Variants in CERS6 observed in about 807,000 individuals in gnomAD.
The protein encoded by CERS6 is ceramide synthase 6, also known as LAG1 homolog, ceramide synthase 6.
In CERS6, 26 loss-of-function variants were observed where a neutral mutation model predicts 56.8. The observed-to-expected ratio is 0.46, with a 90% CI of 0.34 to 0.63. The LOEUF is 0.63. CERS6 is among the 30% of genes least tolerant of loss of function. CERS6 has a pLI of 0.01. For missense variants in CERS6, 415 were observed against 467.5 expected, an observed-to-expected ratio of 0.89 and a Z score of 1.04; for synonymous variants, 164 against 173.3, an observed-to-expected ratio of 0.95 and a Z score of 0.42.
At chr2:168,465,164 A>T (rs1300350344) in intron 1 of CERS6, among the ~76,000 whole-genome samples, 1 of 152,228 alleles carries the variant, frequency 6.6e-6, no homozygotes, top group Non-Finnish European at 1.5e-5. Flanking sequence ...AAAATGTGGC[A>T]TATACATATG....
chr2:168,598,335 G>A (rs1013654650), intron 3 of CERS6, among the ~76,000 whole-genome samples: 2 of 152,048 alleles, frequency 1.3e-5, no homozygotes, highest in Non-Finnish European at 2.9e-5. Context: ...CTCGTTTTTG[G>A]GGGGAAGAGA....
At chr2:168,698,858 T>C (rs1686733961) in intron 6 of CERS6, among the ~76,000 whole-genome samples, 1 of 152,140 alleles carries the variant, frequency 6.6e-6, no homozygotes, top group Non-Finnish European at 1.5e-5. Flanking sequence ...TGTTTAGAAA[T>C]CGATTGTATA....
rs536714672 is a variant in CERS6 at position 168,457,042 on chromosome 2, G to A, written c.170+424G>A. On this transcript the variant is annotated intron_variant, in intron 1 of 9. Coordinates refer to ENST00000305747, the MANE Select transcript of CERS6 (RefSeq NM_203463.3). ...CCCGCGCCACCCACCTGACAGCCAG[G>A]AACGTTCCGGACGCGCGGCCCGGAG... is the stretch of plus-strand genomic sequence containing the variant. Among the ~76,000 whole-genome samples, 204 of 152,342 alleles carry A rather than the reference G, an allele frequency of 1.3e-3. 1 individual carries two copies. The highest frequency in any genetic ancestry group is 4.7e-3 in the African/African-American group (195 of 41,584).
chr2:168,488,226 G>A (rs1274575302), intron 1 of CERS6, among the ~76,000 whole-genome samples: 1 of 152,106 alleles, frequency 6.6e-6, no homozygotes, highest in Admixed American at 6.6e-5. Flanking sequence ...TTTATAAATT[G>A]TTGATGAACA....
chr2:168,540,097 C>G (rs1202053522), intron 1 of CERS6, among the ~76,000 whole-genome samples: 5 of 151,634 alleles, frequency 3.3e-5, no homozygotes, highest in Non-Finnish European at 7.4e-5. Context: ...CCTTAGTTTC[C>G]TTTTCACTTT....
At chr2:168,649,365 T>TA (rs1021679517) in intron 4 of CERS6, among the ~76,000 whole-genome samples, 1 of 152,138 alleles carries the variant, frequency 6.6e-6, no homozygotes, top group African/African-American at 2.4e-5. Context: ...CCTCTCCTGG[T>TA]AAAAATACTC....
intron 4 of CERS6, among the ~76,000 whole-genome samples, chr2:168,632,145 A>G (rs1012536885): frequency 3.9e-5 from 6 of 151,916 alleles, no homozygotes; most frequent in Admixed American, 1.3e-4. Context: ...AAACCCTGTG[A>G]AGGCCTATCT....
At chr2:168,689,380 T>TC (rs1376814314) in intron 4 of CERS6, among the ~76,000 whole-genome samples, 2 of 152,182 alleles carry the variant, frequency 1.3e-5, no homozygotes, top group African/African-American at 4.8e-5. Context: ...AGTAAATTGA[T>TC]CTGTATCATG....
intron 1 of CERS6, among the ~76,000 whole-genome samples, chr2:168,476,402 A>G (rs1426958011): frequency 6.6e-6 from 1 of 152,200 alleles, no homozygotes; most frequent in Non-Finnish European, 1.5e-5. Flanking sequence ...AATATTTTCT[A>G]TGCATGTTCA....
chr2:168,768,904 CAAAAAAA>C (rs765504573), intron 9 of CERS6, among the ~76,000 whole-genome samples: 2 of 59,412 alleles, frequency 3.4e-5, no homozygotes, highest in Non-Finnish European at 7.1e-5. Context: ...GACTCTGACT[CAAAAAAA>C]AAAAAAAAAA....
At chr2:168,748,893 G>C (rs1037417034) in intron 8 of CERS6, among the ~76,000 whole-genome samples, 1 of 151,952 alleles carries the variant, frequency 6.6e-6, no homozygotes, top group Non-Finnish European at 1.5e-5. Context: ...TTGGTTCACA[G>C]TATAGGCACC....
At position 168,556,362 on chromosome 2, in the gene CERS6, C is replaced by T. The variant is rs376231453; in HGVS notation, c.277-4830C>T. On this transcript the variant is annotated intron_variant, in intron 2 of 9. Coordinates refer to ENST00000305747, the MANE Select transcript of CERS6 (RefSeq NM_203463.3). ...TATATAATTCATTTTATTAGTAGAT[C>T]TAACGAGAAAAATACATCACACTCC... Among the ~76,000 whole-genome samples, 13 of 152,156 alleles carry T rather than the reference C, an allele frequency of 8.5e-5. No individual in the cohort carries two copies. The East Asian group carries it at 2.3e-3, about 27-fold the overall frequency.
intron 1 of CERS6, among the ~76,000 whole-genome samples, chr2:168,480,987 T>C (rs927262528): frequency 6.6e-6 from 1 of 152,148 alleles, no homozygotes; most frequent in Non-Finnish European, 1.5e-5. Flanking sequence ...AGTCCAGGCT[T>C]ACTGGTGCTA....
At chr2:168,763,097 A>G (rs1008048806) in intron 8 of CERS6, among the ~76,000 whole-genome samples, 1 of 151,980 alleles carries the variant, frequency 6.6e-6, no homozygotes, top group East Asian at 1.9e-4. Context: ...GCTGGTTTCA[A>G]ACTCCTGGGC....
intron 4 of CERS6, among the ~76,000 whole-genome samples, chr2:168,638,111 CTT>C (rs887524776): frequency 1.3e-5 from 2 of 151,956 alleles, no homozygotes; most frequent in African/African-American, 2.4e-5. Context: ...CACTGTTTTG[CTT>C]TATTTATCTG....
At chr2:168,597,220 G>T (rs1376235355) in intron 3 of CERS6, among the ~76,000 whole-genome samples, 1 of 152,142 alleles carries the variant, frequency 6.6e-6, no homozygotes, top group Admixed American at 6.5e-5. Context: ...GGGACAGTCT[G>T]GTGGCAGCAG....
intron 9 of CERS6, chr2:168,766,323 C>T (rs1199092712): frequency 6.3e-7 from 1 of 1,598,052 alleles, no homozygotes; most frequent in South Asian, 1.1e-5. Context: ...CCCTGGAAGG[C>T]TGGGAAGTGG....
intron 3 of CERS6, among the ~76,000 whole-genome samples, chr2:168,569,251 G>A (rs1040490613): frequency 1.7e-4 from 26 of 152,242 alleles, no homozygotes; most frequent in African/African-American, 6.0e-4. Context: ...TTGGAATAGA[G>A]TCCTACCCTT....
chr2:168,742,455 C>T (rs1331916235), intron 8 of CERS6, among the ~76,000 whole-genome samples: 2 of 152,196 alleles, frequency 1.3e-5, no homozygotes, highest in African/African-American at 2.4e-5. Flanking sequence ...GAAGTGAGCT[C>T]TGCTGGCTGT....
Sources: allele counts gnomAD v4.1 joint callset (sites outside exome capture counted in the v4.1 genomes callset), GRCh38; gene constraint gnomAD v4.1.1; transcripts MANE v1.5; gene names NCBI Gene and HGNC (gene_info 2026-07-23, HGNC 2026-07-21).